Variants in GLIS3 observed in about 807,000 individuals in gnomAD.
GLIS3 encodes GLIS family zinc finger 3.
In GLIS3, 53 loss-of-function variants were observed where a neutral mutation model predicts 78.6. The observed-to-expected ratio is 0.67, with a 90% CI of 0.54 to 0.85. The LOEUF is 0.85. GLIS3 is among the 40% of genes least tolerant of loss of function. GLIS3 has a pLI of 0.00. For missense variants in GLIS3, 1,703 were observed against 1,231.1 expected (o/e 1.38, Z -5.74); for synonymous variants, 684 against 509.9 (o/e 1.34, Z -4.60).
intron 7 of GLIS3, 188 bp downstream of exon 7, chr9:3,898,503 G>A: frequency 5.8e-6 from 4 of 687,350 alleles, no homozygotes; most frequent in Non-Finnish European, 1.1e-5. Context: ...ATTTCTTTAT[G>A]AGAAAAAACA....
intron 4 of GLIS3, among the ~76,000 whole-genome samples, chr9:3,941,116 C>T (rs1430306303): frequency 6.6e-6 from 1 of 152,190 alleles, no homozygotes; most frequent in African/African-American, 2.4e-5. Context: ...ACAGTGTGAG[C>T]AGGTGAGTTA....
At chr9:4,446,674 TA>T in the GLIS3 span, among the ~76,000 whole-genome samples, 624 of 122,278 alleles carry the variant, frequency 5.1e-3, 1 homozygote, top group Middle Eastern at 0.023. Flanking sequence ...CATGCCCGGC[TA>T]ATTTTTTTTT....
At chr9:4,489,144 G>A in the GLIS3 span, among the ~76,000 whole-genome samples, 3 of 152,038 alleles carry the variant, frequency 2.0e-5, no homozygotes, top group African/African-American at 4.8e-5. Context: ...TGAGATTACA[G>A]GCAAGAGCCA....
intron 2 of GLIS3, among the ~76,000 whole-genome samples, chr9:4,184,109 C>T (rs1483345862): frequency 2.0e-5 from 3 of 152,146 alleles, no homozygotes; most frequent in Non-Finnish European, 4.4e-5. Flanking sequence ...ACTGAAAACA[C>T]CAATTAAAAG....
intron 2 of GLIS3, chr9:4,151,100 G>A (rs1834640843): frequency 6.6e-6 from 1 of 152,208 alleles, no homozygotes; most frequent in Non-Finnish European, 1.5e-5. Context: ...AGATCAGGAT[G>A]AAAAGCGACA....
At chr9:3,970,185 G>A (rs1373848646) in intron 4 of GLIS3, among the ~76,000 whole-genome samples, 1 of 152,220 alleles carries the variant, frequency 6.6e-6, no homozygotes, top group Non-Finnish European at 1.5e-5. Flanking sequence ...ATCTGGCACA[G>A]ATCCTTCTAC....
At chr9:4,145,163 G>C (rs17209774) in intron 2 of GLIS3, 39,335 of 152,136 alleles carry the variant, frequency 0.26, 6,332 homozygotes, top group South Asian at 0.41. Flanking sequence ...ACTGCTCATA[G>C]ACCAAACACC....
At chr9:4,006,185 C>G (rs576261547) in intron 4 of GLIS3, among the ~76,000 whole-genome samples, 150 of 151,800 alleles carry the variant, frequency 9.9e-4, no homozygotes, top group Non-Finnish European at 1.6e-3. Flanking sequence ...TAATGTTAGG[C>G]CCTTTGCTGT....
intron 2 of GLIS3, among the ~76,000 whole-genome samples, chr9:4,209,185 T>A (rs1449621422): frequency 2.0e-5 from 3 of 152,098 alleles, no homozygotes; most frequent in Non-Finnish European, 4.4e-5. Context: ...AACCCCCTCA[T>A]CTTATAAATG....
intron 2 of GLIS3, among the ~76,000 whole-genome samples, chr9:4,200,998 G>C (rs540535921): frequency 6.6e-6 from 1 of 152,218 alleles, no homozygotes; most frequent in South Asian, 2.1e-4. Flanking sequence ...TAATCAATTA[G>C]GCTTCATTCC....
At chr9:4,299,331 G>C (rs893377096) in intron 1 of GLIS3, 90 bp downstream of exon 1, 1 of 152,180 alleles carries the variant, frequency 6.6e-6, no homozygotes, top group Non-Finnish European at 1.5e-5. Flanking sequence ...CCTAGTTTGC[G>C]TCTCTGAGCT....
intron 2 of GLIS3, among the ~76,000 whole-genome samples, chr9:4,161,675 C>CCTT (rs1835488823): frequency 8.8e-6 from 1 of 114,214 alleles, no homozygotes; most frequent in African/African-American, 3.5e-5. Context: ...TGCTAGAAGT[C>CCTT]TTTTTTTTTT....
chr9:4,460,529 G>A, the GLIS3 span, among the ~76,000 whole-genome samples: 1 of 152,144 alleles, frequency 6.6e-6, no homozygotes, highest in African/African-American at 2.4e-5. Flanking sequence ...TTGATGTCCT[G>A]GCTAGTGCAG....
chr9:4,047,575 T>C (rs999904586), intron 4 of GLIS3, among the ~76,000 whole-genome samples: 1 of 152,176 alleles, frequency 6.6e-6, no homozygotes, highest in African/African-American at 2.4e-5. Flanking sequence ...GCTTCACAAA[T>C]AATAAAGTAC....
chr9:4,465,193 A>G, the GLIS3 span, among the ~76,000 whole-genome samples: 1 of 152,252 alleles, frequency 6.6e-6, no homozygotes, highest in African/African-American at 2.4e-5. Context: ...GACCAGAGAA[A>G]GGATAATCCT....
intron 4 of GLIS3, among the ~76,000 whole-genome samples, chr9:4,101,084 C>G (rs1277571839): frequency 6.6e-6 from 1 of 152,200 alleles, no homozygotes; most frequent in Non-Finnish European, 1.5e-5. Context: ...GAAAAAAGTA[C>G]TGGCCAAGGA....
chr9:4,281,851 G>A (rs1416172000), intron 2 of GLIS3, among the ~76,000 whole-genome samples: 1 of 152,126 alleles, frequency 6.6e-6, no homozygotes, highest in Non-Finnish European at 1.5e-5. Flanking sequence ...TTTGCCTGGT[G>A]TCCAAAGGAT....
intron 2 of GLIS3, among the ~76,000 whole-genome samples, chr9:4,180,695 C>A (rs1439700320): frequency 1.3e-5 from 2 of 152,134 alleles, no homozygotes; most frequent in Non-Finnish European, 2.9e-5. Flanking sequence ...GCAAGCCAAA[C>A]CCCCAATTCT....
At chr9:4,333,077 A>G (rs557582863) in intron 2 of GLIS3, among the ~76,000 whole-genome samples, 13 of 152,320 alleles carry the variant, frequency 8.5e-5, no homozygotes, top group African/African-American at 3.1e-4. Context: ...TTATCACTCC[A>G]GTTTCACAAA....
Sources: allele counts gnomAD v4.1 joint callset (sites outside exome capture counted in the v4.1 genomes callset), GRCh38; gene constraint gnomAD v4.1.1; transcripts MANE v1.5; gene names NCBI Gene and HGNC (gene_info 2026-07-23, HGNC 2026-07-21).